Variants in GPR158 observed in about 807,000 individuals in gnomAD.
GPR158 encodes metabotropic glycine receptor.
Under a neutral mutation model 78.2 loss-of-function variants are expected in GPR158, and 30 were observed. The ratio of observed to expected loss-of-function variants is 0.38; its 90% confidence interval spans 0.29 to 0.52. The LOEUF (loss-of-function observed/expected upper bound fraction) is 0.52. Among genes scored for constraint, GPR158 ranks in the 20% least tolerant of loss-of-function variants. The pLI, the probability that GPR158 is intolerant of heterozygous loss-of-function variation, is 0.83. For synonymous variants in GPR158, 581 were observed against 591.1 expected (o/e 0.98, Z 0.25); for missense variants, 1,463 against 1,523.5 (o/e 0.96, Z 0.66).
At chr10:25,204,436 C>G (rs1393527129) in intron 1 of GPR158, among the ~76,000 whole-genome samples, 2 of 152,094 alleles carry the variant, frequency 1.3e-5, no homozygotes, top group African/African-American at 4.8e-5. Context: ...CTATCAATAC[C>G]TAGTTTATTG....
At chr10:25,279,823 A>C (rs1418771965) in intron 2 of GPR158, among the ~76,000 whole-genome samples, 1 of 152,142 alleles carries the variant, frequency 6.6e-6, no homozygotes, top group East Asian at 1.9e-4. Context: ...CACAGTCTTT[A>C]ATTTCTTTTA....
intron 6 of GPR158, among the ~76,000 whole-genome samples, chr10:25,555,106 A>G (rs996451446): frequency 6.6e-6 from 1 of 152,092 alleles, no homozygotes; most frequent in African/African-American, 2.4e-5. Flanking sequence ...AAGAAAGAAA[A>G]AGAAAGAGGT....
At chr10:25,195,869 G>T (rs572325913) in intron 1 of GPR158, among the ~76,000 whole-genome samples, 1 of 152,086 alleles carries the variant, frequency 6.6e-6, no homozygotes, top group African/African-American at 2.4e-5. Context: ...TTTGCCCTCA[G>T]AATTTTAAAC....
intron 2 of GPR158, among the ~76,000 whole-genome samples, chr10:25,369,770 A>G (rs1208039845): frequency 6.6e-6 from 1 of 151,968 alleles, no homozygotes; most frequent in East Asian, 1.9e-4. Flanking sequence ...TACCTCTGGT[A>G]GAATTCGGCT....
intron 1 of GPR158, among the ~76,000 whole-genome samples, chr10:25,217,477 A>G (rs1294339981): frequency 6.6e-6 from 1 of 152,198 alleles, no homozygotes; most frequent in Non-Finnish European, 1.5e-5. Flanking sequence ...TTTCTTAAAG[A>G]AGGTCCCTAA....
intron 2 of GPR158, among the ~76,000 whole-genome samples, chr10:25,361,197 T>G (rs1855634180): frequency 6.6e-6 from 1 of 152,028 alleles, no homozygotes. Context: ...TTTGGCTTTT[T>G]GTGAGTGTCT....
At chr10:25,208,018 A>G (rs1305399964) in intron 1 of GPR158, among the ~76,000 whole-genome samples, 1 of 152,240 alleles carries the variant, frequency 6.6e-6, no homozygotes, top group African/African-American at 2.4e-5. Context: ...GAGGTAATAT[A>G]TGTCCAAAGT....
At chr10:25,531,920 T>C (rs1239470019) in intron 5 of GPR158, among the ~76,000 whole-genome samples, 2 of 152,132 alleles carry the variant, frequency 1.3e-5, no homozygotes, top group East Asian at 3.9e-4. Flanking sequence ...CCAGAGCTTA[T>C]CATCTTTCCA....
At position 25,404,948 on chromosome 10, in the gene GPR158, T is replaced by C. The variant is rs1270518550; in HGVS notation, c.1112-7302T>C. Among the ~76,000 whole-genome samples the C allele has an allele frequency of 1.1e-4, 17 of 152,214 alleles. No homozygotes were observed. In the East Asian group the frequency reaches 3.3e-3, roughly 29 times the overall value. On this transcript the variant is annotated intron_variant, in intron 3 of 10. Transcript: ENST00000376351. ...CTGAAGTCCACCTTTGGACAGCACA[T>C]GTGGACTATTCAGCATACTGTCTGC... is the stretch of plus-strand genomic sequence containing the variant.
At chr10:25,592,412 T>TAA (rs35353239) in intron 8 of GPR158, among the ~76,000 whole-genome samples, 6 of 152,018 alleles carry the variant, frequency 3.9e-5, no homozygotes, top group Non-Finnish European at 8.8e-5. Context: ...ACAAGACTTT[T>TAA]AAGTGTGTTT....
chr10:25,588,166 A>C (rs1359436484), intron 7 of GPR158, among the ~76,000 whole-genome samples: 1 of 152,252 alleles, frequency 6.6e-6, no homozygotes, highest in Non-Finnish European at 1.5e-5. Context: ...AGTGCTTTCT[A>C]TGCATTATTT....
chr10:25,216,085 A>T (rs1439208947), intron 1 of GPR158, among the ~76,000 whole-genome samples: 1 of 152,056 alleles, frequency 6.6e-6, no homozygotes, highest in Non-Finnish European at 1.5e-5. Context: ...ATTAACCATC[A>T]CTGAGGCCCT....
At chr10:25,377,748 A>T (rs146350034) in intron 2 of GPR158, among the ~76,000 whole-genome samples, 1 of 152,220 alleles carries the variant, frequency 6.6e-6, no homozygotes, top group African/African-American at 2.4e-5. Context: ...CATTATATGG[A>T]TAAACAACAT....
At chr10:25,253,319 C>T (rs963565538) in intron 2 of GPR158, among the ~76,000 whole-genome samples, 39 of 152,146 alleles carry the variant, frequency 2.6e-4, no homozygotes, top group South Asian at 8.3e-4. Flanking sequence ...AGTTCCTATT[C>T]GGCCATCTTG....
intron 7 of GPR158, among the ~76,000 whole-genome samples, chr10:25,582,167 A>G (rs141061423): frequency 2.6e-5 from 4 of 152,298 alleles, no homozygotes; most frequent in African/African-American, 9.6e-5. Context: ...ATTCAAGATG[A>G]GATTTGGGTG....
At chr10:25,285,132 T>G (rs1854332564) in intron 2 of GPR158, among the ~76,000 whole-genome samples, 1 of 151,912 alleles carries the variant, frequency 6.6e-6, no homozygotes, top group African/African-American at 2.4e-5. Flanking sequence ...AGCATGATAT[T>G]ATTTCTGCCT....
chr10:25,514,874 G>T (rs762677384), intron 5 of GPR158, among the ~76,000 whole-genome samples: 3 of 152,164 alleles, frequency 2.0e-5, no homozygotes, highest in Non-Finnish European at 4.4e-5. Flanking sequence ...GGTTTCTGCT[G>T]ATAATTCTGC....
At chr10:25,378,567 T>C (rs1834115849) in intron 2 of GPR158, among the ~76,000 whole-genome samples, 1 of 151,864 alleles carries the variant, frequency 6.6e-6, no homozygotes, top group Admixed American at 6.6e-5. Flanking sequence ...TTTAATACAG[T>C]ATTTCTTTTT....
chr10:25,516,585 A>G (rs1836177616), intron 5 of GPR158, among the ~76,000 whole-genome samples: 1 of 126,578 alleles, frequency 7.9e-6, no homozygotes, highest in South Asian at 2.8e-4. Context: ...AGCTTTCTCC[A>G]TATGGCTAGC....
Sources: allele counts gnomAD v4.1 joint callset (sites outside exome capture counted in the v4.1 genomes callset), GRCh38; gene constraint gnomAD v4.1.1; transcripts MANE v1.5; gene names NCBI Gene and HGNC (gene_info 2026-07-23, HGNC 2026-07-21).